LINGO2: variants seen among roughly 807,000 people sequenced by gnomAD.
LINGO2 encodes leucine-rich repeat and immunoglobulin-like domain-containing nogo receptor-interacting protein 2.
In LINGO2, 14 loss-of-function variants were observed where a neutral mutation model predicts 30.6. That is an observed-to-expected ratio of 0.46 (90% CI 0.30 to 0.72). LINGO2 has a LOEUF of 0.72. Among genes scored for constraint, LINGO2 ranks in the 30% least tolerant of loss-of-function variants. LINGO2 has a pLI of 0.07. For missense variants in LINGO2, 729 were observed against 751.7 expected, an observed-to-expected ratio of 0.97 and a Z score of 0.35; for synonymous variants, 317 against 288.5, an observed-to-expected ratio of 1.10 and a Z score of -1.00.
In LINGO2 at chr9:28,590,178, G is replaced by T. The variant is rs183282548; in HGVS notation, c.-365+80022C>A. 4.5e-3 allele frequency among the ~76,000 whole-genome samples: 688 copies of T among 151,324 alleles called. 11 individuals are homozygous for T. Among genetic ancestry groups the T allele is most frequent in the African/African-American group, 0.016 (659 of 40,666 alleles). On this transcript the variant is annotated intron_variant, in intron 1 of 5. Coordinates refer to ENST00000379992, the Ensembl canonical transcript of LINGO2. ...TTCAAGATGGATTAAAGCCTTACAT[G>T]TTAGACCTAAAACCATAAAAACCCT...
the LINGO2 span, among the ~76,000 whole-genome samples, chr9:29,151,579 G>T: frequency 1.3e-5 from 2 of 151,932 alleles, no homozygotes; most frequent in African/African-American, 4.8e-5. Context: ...CATGCAAACA[G>T]CAAATAAAAA....
At chr9:28,592,607 AT>A (rs2135712443) in intron 1 of LINGO2, among the ~76,000 whole-genome samples, 1 of 152,198 alleles carries the variant, frequency 6.6e-6, no homozygotes, top group Admixed American at 6.6e-5. Context: ...ATTGAGCCTT[AT>A]TGGCTCCAGT....
At chr9:28,674,145 C>T (rs1036145472), upstream of LINGO2, among the ~76,000 whole-genome samples, 4 of 152,060 alleles carry the variant, frequency 2.6e-5, no homozygotes, top group Non-Finnish European at 5.9e-5. Flanking sequence ...TATTTTTAAA[C>T]TACAAACAGG....
intron 4 of LINGO2, among the ~76,000 whole-genome samples, chr9:28,159,661 G>C (rs543530765): frequency 2.6e-5 from 4 of 151,900 alleles, no homozygotes; most frequent in Non-Finnish European, 5.9e-5. Flanking sequence ...GACTAGTGTA[G>C]AAATCCAAAT....
the LINGO2 span, among the ~76,000 whole-genome samples, chr9:28,907,473 T>C: frequency 4.0e-5 from 6 of 151,632 alleles, no homozygotes; most frequent in Middle Eastern, 3.4e-3. Context: ...TAATGAGAAG[T>C]AGAGGGAGAG....
chr9:28,449,892 G>A (rs762649497), intron 2 of LINGO2, among the ~76,000 whole-genome samples: 19 of 151,926 alleles, frequency 1.3e-4, no homozygotes, highest in Non-Finnish European at 2.4e-4. Context: ...AGCAATTTCT[G>A]CCTTTCTTAG....
At chr9:28,502,131 G>GACAC (rs57545947) in intron 1 of LINGO2, among the ~76,000 whole-genome samples, 43,006 of 146,824 alleles carry the variant, frequency 0.29, 6,513 homozygotes, top group African/African-American at 0.38. Flanking sequence ...GAGAAACACA[G>GACAC]ACACACACAC....
chr9:28,494,938 T>C (rs1015446050), intron 1 of LINGO2, among the ~76,000 whole-genome samples: 3 of 152,212 alleles, frequency 2.0e-5, no homozygotes, highest in South Asian at 2.1e-4. Flanking sequence ...TATCACACTG[T>C]GGTTTTGATT....
intron 4 of LINGO2, among the ~76,000 whole-genome samples, chr9:28,082,725 T>C (rs1448768529): frequency 6.6e-6 from 1 of 152,138 alleles, no homozygotes; most frequent in East Asian, 1.9e-4. Context: ...AGAAAGAACA[T>C]GTTCTCTCTC....
At chr9:29,183,763 G>T in the LINGO2 span, among the ~76,000 whole-genome samples, 1 of 151,568 alleles carries the variant, frequency 6.6e-6, no homozygotes, top group Non-Finnish European at 1.5e-5. Context: ...TAACAACAGA[G>T]AATAGCTGTT....
At chr9:28,044,635 T>C (rs992586181) in intron 4 of LINGO2, among the ~76,000 whole-genome samples, 3 of 152,058 alleles carry the variant, frequency 2.0e-5, no homozygotes, top group Non-Finnish European at 2.9e-5. Flanking sequence ...TATGGTATGG[T>C]AGTTCTAAGT....
At position 28,147,244 on chromosome 9, in the gene LINGO2, C is replaced by T. The variant is rs1283351483; in HGVS notation, c.-86-134839G>A. On this transcript the variant is annotated intron_variant, in intron 4 of 5. Coordinates refer to ENST00000379992, the Ensembl canonical transcript of LINGO2. This position sits in a 1 kb window ranked among gnomAD's most constrained non-coding sequence, Gnocchi z 4.7. Reference sequence around the variant, plus strand: ...GTTGTATCCATGATCATGAGGCACACAGGCCAGAGCGCCAGCTGTGGAATC... The same window carrying T: ...GTTGTATCCATGATCATGAGGCACATAGGCCAGAGCGCCAGCTGTGGAATC... 6.6e-6 allele frequency among the ~76,000 whole-genome samples: 1 copy of T among 152,212 alleles called. No individual in the cohort carries two copies. The highest frequency in any genetic ancestry group is 2.4e-5 in the African/African-American group (1 of 41,458).
In LINGO2 at chr9:28,141,107, G is replaced by A. The variant is rs556166774; in HGVS notation, c.-86-128702C>T. ...ATTGCCTCAGTTATTCAATATAGAT[G>A]AGAAAAGAAATTCTTAATAGCTTAT... On this transcript the variant is annotated intron_variant, in intron 4 of 5. Transcript: ENST00000379992. Among the ~76,000 whole-genome samples the A allele has an allele frequency of 1.4e-4, 21 of 152,224 alleles. No individual in the cohort carries two copies. The South Asian group carries it at 4.4e-3, about 32-fold the overall frequency.
At chr9:28,561,120 C>T (rs375335591) in intron 1 of LINGO2, among the ~76,000 whole-genome samples, 19 of 152,052 alleles carry the variant, frequency 1.2e-4, no homozygotes, top group African/African-American at 3.6e-4. Context: ...GTACATGATA[C>T]GATACTTATC....
intron 1 of LINGO2, among the ~76,000 whole-genome samples, chr9:28,661,468 T>G (rs537008573): frequency 4.9e-4 from 75 of 152,242 alleles, no homozygotes; most frequent in Middle Eastern, 6.8e-3. Flanking sequence ...AAATGATTGT[T>G]GTATTAAGCA....
intron 2 of LINGO2, among the ~76,000 whole-genome samples, chr9:28,470,608 TTA>T (rs748275171): frequency 3.3e-5 from 5 of 152,104 alleles, no homozygotes; most frequent in African/African-American, 4.8e-5. Context: ...GAACAAATAA[TTA>T]GTTTTCCCAA....
chr9:28,362,467 C>CTT (rs777461769), intron 3 of LINGO2, among the ~76,000 whole-genome samples: 1 of 145,198 alleles, frequency 6.9e-6, no homozygotes. Flanking sequence ...TTTGGCTTTC[C>CTT]TTTTTTTTTT....
intron 4 of LINGO2, among the ~76,000 whole-genome samples, chr9:28,140,706 T>C (rs997893128): frequency 2.6e-5 from 4 of 152,206 alleles, no homozygotes; most frequent in African/African-American, 9.6e-5. Context: ...CCATGGCATT[T>C]TGTACACTCA....
chr9:28,865,950 G>A, the LINGO2 span, among the ~76,000 whole-genome samples: 270 of 152,202 alleles, frequency 1.8e-3, no homozygotes, highest in African/African-American at 5.8e-3. Flanking sequence ...ACCTCTTGTT[G>A]CTATTCTTTC....
Sources: gnomAD v4.1 joint callset for allele counts (sites outside exome capture counted in the v4.1 genomes callset) on GRCh38, gnomAD v4.1.1 for gene constraint, Gnocchi (gnomAD v3.1) non-coding constraint, MANE v1.5 for transcripts, NCBI Gene and HGNC (gene_info 2026-07-23, HGNC 2026-07-21) for gene names.